The following CDH18 variants were observed in gnomAD, a reference collection of about 807,000 sequenced individuals.
CDH18 encodes the protein cadherin 18.
In CDH18, 31 loss-of-function variants were observed where a neutral mutation model predicts 67.9. The ratio of observed to expected loss-of-function variants is 0.46; its 90% CI spans 0.34 to 0.62. CDH18 has a LOEUF of 0.62. Ranked by LOEUF, CDH18 falls within the 20% of genes least tolerant of loss-of-function variation. CDH18 has a pLI of 0.01. For missense variants in CDH18, 890 were observed against 975.5 expected (o/e 0.91, Z 1.17); for synonymous variants, 362 against 347.2 (o/e 1.04, Z -0.48).
chr5:19,828,361 A>G (rs1780639148), intron 3 of CDH18, among the ~76,000 whole-genome samples: 1 of 150,790 alleles, frequency 6.6e-6, no homozygotes, highest in Non-Finnish European at 1.5e-5. Context: ...TCCCTAACTC[A>G]GTCTACAAGG....
At chr5:20,227,539 A>G (rs1741729136) in intron 2 of CDH18, among the ~76,000 whole-genome samples, 1 of 152,142 alleles carries the variant, frequency 6.6e-6, no homozygotes, top group African/African-American at 2.4e-5. Flanking sequence ...CTATTCTGTT[A>G]AACTTTGAGT....
chr5:19,957,726 G>A (rs367807506), intron 2 of CDH18, among the ~76,000 whole-genome samples: 1 of 151,866 alleles, frequency 6.6e-6, no homozygotes, highest in African/African-American at 2.4e-5. Context: ...TTGTCCAATC[G>A]AGAAGAATTA....
intron 2 of CDH18, among the ~76,000 whole-genome samples, chr5:20,193,497 A>C (rs1738708377): frequency 6.6e-6 from 1 of 152,152 alleles, no homozygotes; most frequent in Admixed American, 6.6e-5. Context: ...GCTGAATTCT[A>C]CCAGAAATAC....
intron 5 of CDH18, among the ~76,000 whole-genome samples, chr5:19,704,908 C>T (rs1047982914): frequency 2.0e-5 from 3 of 152,090 alleles, no homozygotes; most frequent in African/African-American, 7.2e-5. Flanking sequence ...GTTATAAGCC[C>T]AAAAAATTGG....
intron 6 of CDH18, among the ~76,000 whole-genome samples, chr5:19,596,083 C>A (rs1051065005): frequency 6.6e-6 from 1 of 152,166 alleles, no homozygotes; most frequent in Non-Finnish European, 1.5e-5. Flanking sequence ...GGCAGTTTTT[C>A]AAACATCTCC....
chr5:20,302,113 A>G lies in CDH18; in HGVS notation c.-579-46608T>C, dbSNP rs181655843. ...ACAATTTCAGAATAACAAAATATAC[A>G]CCTTGCTTTAGGCCAAGTATATGAT... On this transcript the variant is annotated intron_variant, in intron 1 of 14. Coordinates refer to the CDH18 transcript ENST00000507958. 1.9e-3 allele frequency among the ~76,000 whole-genome samples: 291 copies of G among 152,212 alleles called. 2 individuals are homozygous for G. The highest frequency in any genetic ancestry group is 6.7e-3 in the African/African-American group (279 of 41,544).
chr5:19,715,113 G>A (rs1449190256), intron 5 of CDH18, among the ~76,000 whole-genome samples: 2 of 151,902 alleles, frequency 1.3e-5, no homozygotes, highest in African/African-American at 4.8e-5. Context: ...AAATCTATAG[G>A]ACTTCCAAAG....
chr5:19,851,559 A>G (rs2149927569), intron 2 of CDH18, among the ~76,000 whole-genome samples: 1 of 151,878 alleles, frequency 6.6e-6, no homozygotes, highest in South Asian at 2.1e-4. Flanking sequence ...AAATGAAAGA[A>G]GAAAACTAAA....
intron 11 of CDH18, chr5:19,502,591 G>A: frequency 2.7e-6 from 1 of 372,248 alleles, no homozygotes; most frequent in Admixed American, 4.3e-5. Context: ...TGATAGCCTT[G>A]CTCATACAAG....
rs185786833 is a variant in CDH18 at position 20,538,522 on chromosome 5, G to A, written c.-580+36940C>T. ...CTCAGTAGCTTGACCTATTGGTCTGGTCTGGCTTTGTGGCTGAAAGGCTAT... is the reference window on the plus strand; with the variant it reads ...CTCAGTAGCTTGACCTATTGGTCTGATCTGGCTTTGTGGCTGAAAGGCTAT... On this transcript the variant is annotated intron_variant, in intron 1 of 14. Coordinates refer to the CDH18 transcript ENST00000507958. Among the ~76,000 whole-genome samples the A allele has an allele frequency of 2.1e-3, 320 of 152,206 alleles. 4 individuals carry two copies. The highest frequency in any genetic ancestry group is 5.0e-4 in the Non-Finnish European group (34 of 68,016).
intron 1 of CDH18, among the ~76,000 whole-genome samples, chr5:20,264,861 C>T (rs193239129): frequency 6.6e-6 from 1 of 152,154 alleles, no homozygotes; most frequent in East Asian, 1.9e-4. Flanking sequence ...CTAAGATATT[C>T]ATCAAGCACA....
chr5:19,997,270 G>C (rs1168013581), intron 2 of CDH18, among the ~76,000 whole-genome samples: 1 of 152,120 alleles, frequency 6.6e-6, no homozygotes, highest in East Asian at 1.9e-4. Flanking sequence ...TGTGGCCCTA[G>C]CTATTTAAAT....
At chr5:20,077,389 A>C (rs1459330509) in intron 2 of CDH18, among the ~76,000 whole-genome samples, 1 of 152,174 alleles carries the variant, frequency 6.6e-6, no homozygotes, top group Non-Finnish European at 1.5e-5. Flanking sequence ...AACAAGATTG[A>C]TGACACAGCA....
chr5:19,815,259 T>C (rs1779162629), intron 3 of CDH18, among the ~76,000 whole-genome samples: 1 of 152,052 alleles, frequency 6.6e-6, no homozygotes, highest in Non-Finnish European at 1.5e-5. Context: ...TAATTTTACA[T>C]GACACCATGT....
At chr5:20,464,608 G>A (rs990438203) in intron 1 of CDH18, among the ~76,000 whole-genome samples, 1 of 152,150 alleles carries the variant, frequency 6.6e-6, no homozygotes, top group African/African-American at 2.4e-5. Context: ...AGATGTCTAT[G>A]AGGATAATGT....
intron 1 of CDH18, among the ~76,000 whole-genome samples, chr5:20,389,055 A>G (rs193101343): frequency 1.2e-4 from 18 of 152,232 alleles, no homozygotes; most frequent in African/African-American, 4.1e-4. Flanking sequence ...AGATCTGTAG[A>G]TGTCTATTAG....
At chr5:20,525,676 C>T (rs141941849) in intron 1 of CDH18, among the ~76,000 whole-genome samples, 3,162 of 152,210 alleles carry the variant, frequency 0.021, 40 homozygotes, top group Admixed American at 0.031. Context: ...ATTATCACTC[C>T]AACTAATCTG....
intron 1 of CDH18, among the ~76,000 whole-genome samples, chr5:20,320,789 C>T (rs1043383415): frequency 1.3e-5 from 2 of 152,178 alleles, no homozygotes; most frequent in African/African-American, 4.8e-5. Flanking sequence ...GATACTGGCT[C>T]TTTCCTGTGG....
intron 1 of CDH18, among the ~76,000 whole-genome samples, chr5:20,440,119 T>C (rs1430050864): frequency 6.6e-6 from 1 of 151,870 alleles, no homozygotes; most frequent in Non-Finnish European, 1.5e-5. Context: ...CAAGTATTCA[T>C]TCCTTAAAAT....
Sources: allele counts gnomAD v4.1 joint callset (sites outside exome capture counted in the v4.1 genomes callset), GRCh38; gene constraint gnomAD v4.1.1; transcripts MANE v1.5; gene names NCBI Gene and HGNC (gene_info 2026-07-23, HGNC 2026-07-21).